The following HERC2 variants were observed in gnomAD, a reference collection of about 807,000 sequenced individuals.
HERC2 encodes the protein HECT and RLD domain containing E3 ubiquitin protein ligase 2, also known as E3 ubiquitin-protein ligase HERC2.
A neutral mutation model predicts 537.7 loss-of-function variants in HERC2; 102 were observed. The ratio of observed to expected loss-of-function variants is 0.19; its 90% CI spans 0.16 to 0.22. HERC2 has a LOEUF of 0.22. Ranked by LOEUF, HERC2 falls within the 10% of genes least tolerant of loss-of-function variation. HERC2 has a pLI of 1.00. For missense variants in HERC2, 4,236 were observed against 6,198.2 expected, an observed-to-expected ratio of 0.68 and a Z score of 10.63; for synonymous variants, 2,224 against 2,466.2, an observed-to-expected ratio of 0.90 and a Z score of 2.91.
chr15:28,239,995 T>C (rs369729288), intron 23 of HERC2, among the ~76,000 whole-genome samples: 71 of 152,302 alleles, frequency 4.7e-4, no homozygotes, highest in Middle Eastern at 3.4e-3. Flanking sequence ...GTAACATGGA[T>C]TGCATGTTAG....
chr15:28,257,093 C>A lies in HERC2; in HGVS notation c.2485G>T (p.Ala829Ser). 6.2e-7 allele frequency: 1 copy of A among 1,613,800 alleles called. No individual in the cohort carries two copies. The highest frequency in any genetic ancestry group is 8.5e-7 in the Non-Finnish European group (1 of 1,179,784). Residue 829 changes from alanine to serine, a missense_variant, in exon 17 of 93, where the codon GCC becomes TCC. Ala to Ser is a moderately conservative substitution (Grantham distance 99). Transcript: ENST00000261609. Reference protein sequence around the residue: ...WPPPQEKECVAVATLNLLRLQ... With the variant: ...WPPPQEKECVSVATLNLLRLQ... ...CGTAGAAGATTCAGCGTTGCCACGG[C>A]CACACACTCTTTCTCCTGGGGCGGG...
At position 28,167,700 on chromosome 15, in the gene HERC2, G is replaced by T; in HGVS notation, c.10541C>A (p.Thr3514Asn). ...ACGCCTCTTCACCTCTTTGGTTTTG[G>T]TCATGGTTTCTGCAATGATGCTTGC... is the stretch of plus-strand genomic sequence containing the variant. Reference protein sequence around the residue: ...GAASIIAETMTKTKEDVESQN... With the variant: ...GAASIIAETMNKTKEDVESQN... The change falls in exon 68 of 93, where the codon ACC becomes AAC. Residue 3514 changes from threonine (T) to asparagine (N), a missense_variant. Coordinates refer to ENST00000261609, the MANE Select transcript of HERC2 (RefSeq NM_004667.6). 2 of 1,614,112 alleles carry T rather than the reference G, an allele frequency of 1.2e-6. No individual in the cohort carries two copies. Among genetic ancestry groups the T allele is most frequent in the Non-Finnish European group, 1.7e-6 (2 of 1,180,028 alleles).
At chr15:28,256,364 G>GA (rs1350324964) in intron 17 of HERC2, 47 bp from the exon 18 acceptor site, 1 of 1,236,432 alleles carries the variant, frequency 8.1e-7, no homozygotes, top group Non-Finnish European at 1.1e-6. Context: ...AAAAATGAGT[G>GA]AATTTCAAAG....
intron 44 of HERC2, among the ~76,000 whole-genome samples, chr15:28,209,019 A>T (rs1898810000): frequency 6.6e-6 from 1 of 152,262 alleles, no homozygotes; most frequent in Non-Finnish European, 1.5e-5. Context: ...ACACAAGCTC[A>T]TTCTAGAAAA....
chr15:28,307,469 T>C (rs1320514879), intron 2 of HERC2, among the ~76,000 whole-genome samples: 2 of 152,244 alleles, frequency 1.3e-5, no homozygotes, highest in African/African-American at 4.8e-5. Flanking sequence ...GTTATTTATT[T>C]GAAGTTTTTC....
chr15:28,310,565 T>C (rs1011515926), intron 2 of HERC2, among the ~76,000 whole-genome samples: 2 of 152,206 alleles, frequency 1.3e-5, no homozygotes, highest in Non-Finnish European at 2.9e-5. Flanking sequence ...TTGACTCTTC[T>C]AGTCTTCAGT....
chr15:28,166,519 C>T (rs1233231138), intron 68 of HERC2, among the ~76,000 whole-genome samples: 1 of 152,176 alleles, frequency 6.6e-6, no homozygotes, highest in African/African-American at 2.4e-5. Flanking sequence ...ACCCAGATCT[C>T]GGTTTCCAAA....
Position 28,111,381 on chromosome 15 carries a change from C to T in HERC2, c.*382G>A, listed in dbSNP as rs192999801. ...AGTTATTTCCAATATACAATCAAGA[C>T]GACTCACGACACTTGAAAGAAAGGA... On this transcript the variant is annotated 3_prime_UTR_variant, in exon 93 of 93. Transcript: ENST00000261609. 53 of 217,570 alleles carry T rather than the reference C, an allele frequency of 2.4e-4. 1 individual carries two copies. In the East Asian group the frequency reaches 3.5e-3, roughly 14 times the overall value. The allele number at this position is 217,570 out of a possible 1,614,324, so 13.5% of individuals were successfully genotyped here.
At chr15:28,137,847 C>A (rs1890806768) in intron 78 of HERC2, among the ~76,000 whole-genome samples, 1 of 152,232 alleles carries the variant, frequency 6.6e-6, no homozygotes, top group Non-Finnish European at 1.5e-5. Flanking sequence ...GTAAGGCACA[C>A]TGAAAGCCAA....
At position 28,174,295 on chromosome 15, in the gene HERC2, T is replaced by C. The variant is rs59368062; in HGVS notation, c.10057+100A>G. The C allele has an allele frequency of 9.3e-3, 7,227 of 777,888 alleles. 372 individuals are homozygous for C. In the African/African-American group the frequency reaches 0.11, roughly 12 times the overall value. 48.2% of individuals were successfully genotyped at this position (777,888 alleles called of 1,614,324 possible). A position where few individuals can be genotyped will look rare whatever the true frequency, so the allele number is the denominator to read the frequency against. ...CTTTAGAGTCATAATGCAGTTAACATGGCACTACAACCTCTAATTGTGTTG... is the reference window on the plus strand; with the variant it reads ...CTTTAGAGTCATAATGCAGTTAACACGGCACTACAACCTCTAATTGTGTTG... On this transcript the variant is annotated intron_variant, in intron 65 of 92. Transcript: ENST00000261609.
chr15:28,178,432 T>C (rs1443877505), intron 59 of HERC2, among the ~76,000 whole-genome samples: 2 of 152,186 alleles, frequency 1.3e-5, no homozygotes, highest in South Asian at 2.1e-4. Context: ...AAACTCTATA[T>C]TGCTTAAGCC....
In HERC2 at chr15:28,269,416, T is replaced by A; in HGVS notation, c.1278A>T (p.Ile426=). 2 of 1,613,482 alleles carry A rather than the reference T, an allele frequency of 1.2e-6. No individual in the cohort carries two copies. The highest frequency in any genetic ancestry group is 1.7e-6 in the Non-Finnish European group (2 of 1,179,456). Residue 426 remains isoleucine, a synonymous_variant, in exon 11 of 93, where the codon ATA becomes ATT. Coordinates refer to ENST00000261609, the MANE Select transcript of HERC2 (RefSeq NM_004667.6). ...TSHKGSLQEV[I]GWGLIGWKYY... is the part of the protein sequence containing the mutation. ...ATTTCCATCCTATTAACCCCCAACC[T>A]ATGACCTCTTGCAATGATCCCTGTA...
intron 56 of HERC2, 124 bp downstream of exon 56, chr15:28,186,453 C>T: frequency 3.0e-6 from 2 of 656,320 alleles, no homozygotes; most frequent in Non-Finnish European, 4.8e-6. Flanking sequence ...TGTAATTTAC[C>T]AATCGTGTGG....
chr15:28,291,761 C>T (rs534534626), intron 4 of HERC2, among the ~76,000 whole-genome samples: 2 of 151,786 alleles, frequency 1.3e-5, no homozygotes, highest in South Asian at 2.1e-4. Context: ...TGGAATTAGC[C>T]GGGTGTGGTG....
intron 2 of HERC2, among the ~76,000 whole-genome samples, chr15:28,302,891 T>C (rs1338199961): frequency 6.6e-6 from 1 of 152,202 alleles, no homozygotes; most frequent in Non-Finnish European, 1.5e-5. Context: ...AAGCTAATTA[T>C]ATATTCTGGT....
intron 12 of HERC2, among the ~76,000 whole-genome samples, chr15:28,267,668 C>T (rs533775511): frequency 6.6e-6 from 1 of 152,374 alleles, no homozygotes; most frequent in East Asian, 1.9e-4. Context: ...CATTACTCTG[C>T]TTTTCTCCCA....
chr15:28,275,027 C>T, intron 5 of HERC2, 22 bp from the exon 6 acceptor site: 1 of 1,518,976 alleles, frequency 6.6e-7, no homozygotes, highest in Non-Finnish European at 9.1e-7. Flanking sequence ...ACACACGGAA[C>T]ATACAACCAG....
chr15:28,257,821 C>T (rs2075307029), intron 16 of HERC2, among the ~76,000 whole-genome samples: 1 of 151,416 alleles, frequency 6.6e-6, no homozygotes, highest in African/African-American at 2.4e-5. Flanking sequence ...GCTGGGACTA[C>T]AGGTGCCCGC....
intron 4 of HERC2, among the ~76,000 whole-genome samples, chr15:28,285,801 G>GAAAAAAA (rs1172373564): frequency 1.2e-5 from 1 of 82,754 alleles, no homozygotes; most frequent in African/African-American, 1.3e-4. Flanking sequence ...AAGCATGACT[G>GAAAAAAA]ACAAAAAAAA....
Sources: allele counts gnomAD v4.1 joint callset (sites outside exome capture counted in the v4.1 genomes callset), GRCh38; gene constraint gnomAD v4.1.1; transcripts MANE v1.5; gene names NCBI Gene and HGNC (gene_info 2026-07-23, HGNC 2026-07-21).